Variants in OR2B11 observed in about 807,000 individuals in gnomAD.
OR2B11 encodes the protein olfactory receptor family 2 subfamily B member 11.
For missense variants in OR2B11, 422 were observed against 400.0 expected, an observed-to-expected ratio of 1.05 and a Z score of -0.47; for synonymous variants, 198 against 174.5, an observed-to-expected ratio of 1.13 and a Z score of -1.06.
Position 247,451,620 on chromosome 1 carries a change from G to A in OR2B11, c.363C>T (p.Ala121=). 6.2e-7 allele frequency: 1 copy of A among 1,613,994 alleles called. No homozygotes were observed. The highest frequency in any genetic ancestry group is 8.5e-7 in the Non-Finnish European group (1 of 1,179,936). The part of the protein sequence containing the change: ...LGCTECIVLA[A]MALDRYVAIC... ...TGGCCACGTAGCGGTCCAGGGCCAT[G>A]GCGGCCAGGACGATGCACTCCGTGC... Residue 121 remains alanine (A), a synonymous_variant, in exon 2 of 2, where the codon GCC becomes GCT. Transcript: ENST00000641149.
At chr1:247,455,270 C>T (rs1488222764) in intron 1 of OR2B11, among the ~76,000 whole-genome samples, 3 of 152,120 alleles carry the variant, frequency 2.0e-5, no homozygotes, top group African/African-American at 7.2e-5. Context: ...CAAACAGAAA[C>T]ATGGTCATAG....
Position 247,449,726 on chromosome 1 carries a change from C to T in OR2B11, c.*1303G>A, listed in dbSNP as rs765438926. The T allele has an allele frequency of 6.6e-6, 1 of 152,124 alleles. No homozygotes were observed. Among genetic ancestry groups the T allele is most frequent in the Non-Finnish European group, 1.5e-5 (1 of 68,034 alleles). 9.4% of individuals were successfully genotyped at this position (152,124 alleles called of 1,614,324 possible). On this transcript the variant is annotated 3_prime_UTR_variant, in exon 2 of 2. Transcript: ENST00000641149. Reference sequence around the variant, plus strand: ...TGAGATTTACATTCTGTTGCAAACTCTGTCTTGTTAGCACTTCTGAGCAGC... The same window carrying T: ...TGAGATTTACATTCTGTTGCAAACTTTGTCTTGTTAGCACTTCTGAGCAGC...
intron 1 of OR2B11, among the ~76,000 whole-genome samples, chr1:247,456,555 C>A (rs1023439179): frequency 6.6e-6 from 1 of 151,814 alleles, no homozygotes; most frequent in Non-Finnish European, 1.5e-5. Context: ...ATTTGGTAAT[C>A]ATTTCCAATA....
chr1:247,449,165 G>T (rs1198595248), downstream of OR2B11: 2 of 152,238 alleles, frequency 1.3e-5, no homozygotes, highest in African/African-American at 2.4e-5. Context: ...AAATTAAATT[G>T]TTTGGTGCAT....
Position 247,451,743 on chromosome 1 carries a change from C to T in OR2B11, c.240G>A (p.Thr80=), listed in dbSNP as rs78223085. The change falls in exon 2 of 2, where the codon ACG becomes ACA. Residue 80 remains threonine, a synonymous_variant. Coordinates refer to ENST00000641149, the MANE Select transcript of OR2B11 (RefSeq NM_001004492.2). ...TGTTGACCAGCATCTGAGGGACTGT[C>T]GTGGTGGTGTAGCAGAGGTCCAGGA... ...LSFLDLCYTT[T]TVPQMLVNMG... is the part of the protein sequence containing the mutation. 1,222 of 1,614,156 alleles carry T rather than the reference C, an allele frequency of 7.6e-4. 11 individuals are homozygous for T. The highest frequency in any genetic ancestry group is 2.5e-3 in the Middle Eastern group (15 of 6,062).
Position 247,451,745 on chromosome 1 carries a change from T to G in OR2B11, c.238A>C (p.Thr80Pro), listed in dbSNP as rs1399571846. 1.2e-6 allele frequency: 2 copies of G among 1,614,146 alleles called. No individual in the cohort carries two copies. Among genetic ancestry groups the G allele is most frequent in the East Asian group, 4.5e-5 (2 of 44,874 alleles). The change falls in exon 2 of 2, where the codon ACG becomes CCG. Residue 80 changes from threonine to proline, a missense_variant. Physicochemically the swap from Thr to Pro is conservative, Grantham distance 38. Transcript: ENST00000641149. ...LSFLDLCYTT[T>P]TVPQMLVNMG... ...TTGACCAGCATCTGAGGGACTGTCG[T>G]GGTGGTGTAGCAGAGGTCCAGGAAG...
intron 1 of OR2B11, 37 bp from the exon 2 acceptor site, chr1:247,455,101 T>G (rs968047280): frequency 2.0e-5 from 3 of 152,160 alleles, no homozygotes; most frequent in Admixed American, 2.0e-4. Context: ...AATATTTATA[T>G]CTCTATATCT....
chr1:247,456,848 A>C (rs1664974025), intron 1 of OR2B11, among the ~76,000 whole-genome samples: 1 of 152,198 alleles, frequency 6.6e-6, no homozygotes, highest in African/African-American at 2.4e-5. Flanking sequence ...TAATGAGAAC[A>C]TGAACATGTC....
At position 247,453,141 on chromosome 1, in the gene OR2B11, A is replaced by T. The variant is rs1266067704; in HGVS notation, c.-1159T>A. ...AACAATAATTAATTAATCATTATTC[A>T]TAATAAATCCTGTAAGCAGATAATT... On this transcript the variant is annotated 5_prime_UTR_variant, in exon 2 of 2. It removes an upstream start codon present in the reference 5' UTR. Coordinates refer to ENST00000641149, the MANE Select transcript of OR2B11 (RefSeq NM_001004492.2). 3 of 152,230 alleles carry T rather than the reference A, an allele frequency of 2.0e-5. No homozygotes were observed. Among genetic ancestry groups the T allele is most frequent in the Non-Finnish European group, 4.4e-5 (3 of 68,044 alleles). The allele number at this position is 152,230 out of a possible 1,614,324, so 9.4% of individuals were successfully genotyped here.
intron 1 of OR2B11, among the ~76,000 whole-genome samples, chr1:247,456,042 C>G (rs1664958683): frequency 6.6e-6 from 1 of 152,168 alleles, no homozygotes; most frequent in African/African-American, 2.4e-5. Flanking sequence ...TAAGTGCACA[C>G]TGAATGAGCA....
chr1:247,451,977 T>C lies in OR2B11; in HGVS notation c.6A>G (p.Lys2=). M[K]SDNHSFLGDS... ...CCCCTAAGAAGCTATGGTTGTCACT[T>C]TTCATGTTGCGGCATTTTCTGGCAC... The change falls in exon 2 of 2, where the codon AAA becomes AAG. Residue 2 remains lysine, a synonymous_variant. Transcript: ENST00000641149. The C allele has an allele frequency of 6.3e-7, 1 of 1,596,692 alleles. No homozygotes were observed. Among genetic ancestry groups the C allele is most frequent in the East Asian group, 2.2e-5 (1 of 44,552 alleles).
Position 247,449,339 on chromosome 1 carries a change from T to A in OR2B11, c.*1690A>T, listed in dbSNP as rs1178171134. On this transcript the variant is annotated 3_prime_UTR_variant, in exon 2 of 2. Coordinates refer to ENST00000641149, the MANE Select transcript of OR2B11 (RefSeq NM_001004492.2). Reference sequence around the variant, plus strand: ...GAGCCTGCGCTCCTAACTAGAAGTATTATGTAGAAGATGCATCTTGCTTTC... The same window carrying A: ...GAGCCTGCGCTCCTAACTAGAAGTAATATGTAGAAGATGCATCTTGCTTTC... 2 of 150,934 alleles carry A rather than the reference T, an allele frequency of 1.3e-5. No homozygotes were observed. The highest frequency in any genetic ancestry group is 4.9e-5 in the African/African-American group (2 of 40,950). The allele number at this position is 150,934 out of a possible 1,614,324, so 9.3% of individuals were successfully genotyped here. A position where few individuals can be genotyped will look rare whatever the true frequency, so the allele number is the denominator to read the frequency against.
rs4436424 is a variant in OR2B11, at chr1:247,453,500, C to T, written c.-1518G>A. On this transcript the variant is annotated 5_prime_UTR_variant, in exon 2 of 2. Transcript: ENST00000641149. ...TCACAGAATGTGATCTTATCTCTAA[C>T]GAGCTCAAGATGCCTGTCAAAACAG... The T allele has an allele frequency of 0.7, 106,192 of 152,202 alleles. 38,681 individuals carry two copies. The highest frequency in any genetic ancestry group is 0.94 in the East Asian group (4,865 of 5,186). 9.4% of individuals were successfully genotyped at this position (152,202 alleles called of 1,614,324 possible). A position where few individuals can be genotyped will look rare whatever the true frequency, so the allele number is the denominator to read the frequency against.
Position 247,451,404 on chromosome 1 carries a change from A to T in OR2B11, c.579T>A (p.Cys193Ter). ...TGGTGTCATTCACAGCGGTGTCAGC[A>T]CACGACAGCTTGATCACGGCCGGCA... is the stretch of plus-strand genomic sequence containing the variant. ...CEVPAVIKLS[C>*]ADTAVNDTIL... is the part of the protein sequence containing the mutation. Residue 193 changes from cysteine to a stop codon, truncating the protein, a stop_gained, in exon 2 of 2, where the codon TGT becomes TGA. Coordinates refer to ENST00000641149, the MANE Select transcript of OR2B11 (RefSeq NM_001004492.2). LOFTEE classifies it low-confidence loss of function (END_TRUNC). 1 of 1,614,180 alleles carries T rather than the reference A, an allele frequency of 6.2e-7. No individual in the cohort carries two copies. Among genetic ancestry groups the T allele is most frequent in the Non-Finnish European group, 8.5e-7 (1 of 1,180,028 alleles).
Position 247,450,870 on chromosome 1 carries a change from G to A in OR2B11, c.*159C>T, listed in dbSNP as rs143819476. 9 of 468,140 alleles carry A rather than the reference G, an allele frequency of 1.9e-5. No homozygotes were observed. The highest frequency in any genetic ancestry group is 1.2e-4 in the Admixed American group (4 of 32,456). The allele number at this position is 468,140 out of a possible 1,614,324, so 29.0% of individuals were successfully genotyped here. On this transcript the variant is annotated 3_prime_UTR_variant, in exon 2 of 2. Coordinates refer to ENST00000641149, the MANE Select transcript of OR2B11 (RefSeq NM_001004492.2). ...TTATACGTTTAAAATGAACTTTGTC[G>A]CTATGGGATTTGGGGCATTATAACA... is the stretch of plus-strand genomic sequence containing the variant.
chr1:247,455,382 G>C (rs111342586), intron 1 of OR2B11, among the ~76,000 whole-genome samples: 12 of 152,094 alleles, frequency 7.9e-5, no homozygotes, highest in African/African-American at 2.4e-4. Context: ...GTTCAGCTGC[G>C]GAGGCCATCA....
intron 1 of OR2B11, among the ~76,000 whole-genome samples, chr1:247,456,891 G>C (rs748740639): frequency 3.9e-5 from 6 of 152,166 alleles, no homozygotes; most frequent in Non-Finnish European, 7.3e-5. Flanking sequence ...CATGAGGAAT[G>C]CAATTAATTC....
Position 247,456,706 on chromosome 1 carries a change from A to G in OR2B11, c.-3083+933T>C, listed in dbSNP as rs532883668. Among the ~76,000 whole-genome samples the G allele has an allele frequency of 4.6e-5, 7 of 151,472 alleles. No individual in the cohort carries two copies. In the East Asian group the frequency reaches 7.8e-4, roughly 17 times the overall value. On this transcript the variant is annotated intron_variant, in intron 1 of 1. Coordinates refer to ENST00000641149, the MANE Select transcript of OR2B11 (RefSeq NM_001004492.2). ...TACACGTGCCATGGTTGTTTGCTGC[A>G]TCCATCAACCCGTCATCTACGTTAG...
rs1482456884 is a variant in OR2B11 at position 247,451,613 on chromosome 1, G to T, written c.370C>A (p.Leu124Met). ...TECIVLAAMA[L>M]DRYVAICKPL... ...TTGCAGATGGCCACGTAGCGGTCCAGGGCCATGGCGGCCAGGACGATGCAC... is the reference window on the plus strand; with the variant it reads ...TTGCAGATGGCCACGTAGCGGTCCATGGCCATGGCGGCCAGGACGATGCAC... The change falls in exon 2 of 2, where the codon CTG becomes ATG. Residue 124 changes from leucine (L) to methionine (M), a missense_variant. Coordinates refer to ENST00000641149, the MANE Select transcript of OR2B11 (RefSeq NM_001004492.2). 1.9e-6 allele frequency: 3 copies of T among 1,613,874 alleles called. No homozygotes were observed. Among genetic ancestry groups the T allele is most frequent in the African/African-American group, 1.3e-5 (1 of 74,946 alleles).
Sources: allele counts gnomAD v4.1 joint callset (sites outside exome capture counted in the v4.1 genomes callset), GRCh38; gene constraint gnomAD v4.1.1; transcripts MANE v1.5; gene names NCBI Gene and HGNC (gene_info 2026-07-23, HGNC 2026-07-21).